AADAT: variants seen among roughly 807,000 people sequenced by gnomAD.
AADAT encodes kynurenine/alpha-aminoadipate aminotransferase, mitochondrial.
Under a neutral mutation model 56.2 loss-of-function variants are expected in AADAT, and 25 were observed. The observed-to-expected ratio is 0.44, with a 90% CI of 0.32 to 0.62. The LOEUF is 0.62. Ranked by LOEUF, AADAT falls within the 20% of genes least tolerant of loss-of-function variation. The probability of loss-of-function intolerance (pLI) is 0.04; values close to 1 mark genes in which losing one functional copy is unlikely to be tolerated. For missense variants in AADAT, 387 were observed against 510.5 expected, an observed-to-expected ratio of 0.76 and a Z score of 2.33; for synonymous variants, 173 against 164.7, an observed-to-expected ratio of 1.05 and a Z score of -0.39.
intron 1 of AADAT, chr4:170,089,268 T>C: frequency 2.0e-6 from 1 of 493,234 alleles, no homozygotes; most frequent in South Asian, 1.6e-5. Flanking sequence ...TACCTGGCCC[T>C]CTCCACTGTA....
chr4:170,079,258 A>G (rs960247401), intron 3 of AADAT, among the ~76,000 whole-genome samples: 1 of 152,256 alleles, frequency 6.6e-6, no homozygotes, highest in Admixed American at 6.5e-5. Context: ...AACAACAGTT[A>G]GATTTGAAAA....
At chr4:170,078,839 A>G (rs555466936) in intron 3 of AADAT, among the ~76,000 whole-genome samples, 17 of 152,282 alleles carry the variant, frequency 1.1e-4, no homozygotes, top group Admixed American at 2.0e-4. Flanking sequence ...AGTTCCAATA[A>G]AACTTTATTT....
chr4:170,090,678 T>TC (rs1441004607), upstream of AADAT: 1 of 152,218 alleles, frequency 6.6e-6, no homozygotes, highest in South Asian at 2.1e-4. Context: ...CCTTTTTTTT[T>TC]CTTACAAAAT....
intron 3 of AADAT, among the ~76,000 whole-genome samples, chr4:170,085,788 A>G (rs1732531211): frequency 6.6e-6 from 1 of 152,168 alleles, no homozygotes; most frequent in South Asian, 2.1e-4. Context: ...TTTAATTTTT[A>G]AAAACTTTAA....
At chr4:170,064,401 C>G (rs1581567026) in intron 11 of AADAT, among the ~76,000 whole-genome samples, 1 of 152,330 alleles carries the variant, frequency 6.6e-6, no homozygotes, top group East Asian at 1.9e-4. Context: ...GTAACCTATT[C>G]AAGGCCACAC....
chr4:170,063,482 T>C (rs1731296470), intron 11 of AADAT, among the ~76,000 whole-genome samples: 1 of 152,228 alleles, frequency 6.6e-6, no homozygotes, highest in African/African-American at 2.4e-5. Flanking sequence ...ATGTATCAAA[T>C]TGATTTATTA....
At chr4:170,093,879 T>C (rs1170891950), upstream of AADAT, among the ~76,000 whole-genome samples, 3 of 152,260 alleles carry the variant, frequency 2.0e-5, no homozygotes, top group African/African-American at 4.8e-5. Flanking sequence ...ATTACAGGCA[T>C]GAGCCAGCGC....
At position 170,089,314 on chromosome 4, in the gene AADAT, T is replaced by A. The variant is rs1377321769; in HGVS notation, c.67+310A>T. 4 of 564,160 alleles carry A rather than the reference T, an allele frequency of 7.1e-6. No homozygotes were observed. The African/African-American group carries it at 7.5e-5, about 11-fold the overall frequency. The allele number at this position is 564,160 out of a possible 1,614,324, so 34.9% of individuals were successfully genotyped here. A position where few individuals can be genotyped will look rare whatever the true frequency, so the allele number is the denominator to read the frequency against. ...CACGCTGTGCATGCCCCTTCTCAGC[T>A]TCCCAGGAAGAGCCTTTCTTGATAG... is the stretch of plus-strand genomic sequence containing the variant. On this transcript the variant is annotated intron_variant, in intron 1 of 12. Coordinates refer to ENST00000337664, the MANE Select transcript of AADAT (RefSeq NM_016228.4).
At chr4:170,092,281 C>T (rs1017247320), upstream of AADAT, among the ~76,000 whole-genome samples, 3 of 152,252 alleles carry the variant, frequency 2.0e-5, no homozygotes, top group African/African-American at 7.2e-5. Flanking sequence ...TTGTAACACT[C>T]ACCGCGAAGG....
chr4:170,073,486 G>C, intron 4 of AADAT, 141 bp from the exon 5 acceptor site: 1 of 688,736 alleles, frequency 1.5e-6, no homozygotes, highest in Non-Finnish European at 2.3e-6. Context: ...CTGAGCTCCT[G>C]AGGGTTGAGG....
At position 170,061,178 on chromosome 4, in the gene AADAT, TTTG is replaced by T. The variant is rs773734953; in HGVS notation, c.1237-212_1237-210del. 2.6e-4 allele frequency among the ~76,000 whole-genome samples: 39 copies of T among 152,182 alleles called. No individual in the cohort carries two copies. The South Asian group carries it at 2.7e-3, about 11-fold the overall frequency. On this transcript the variant is annotated intron_variant, in intron 12 of 12. Transcript: ENST00000337664. ...CTGAAGTACATCAGATTTTCAGGAT[TTTG>T]TTGTTGTTGTTGTTCTCGTGGCCTT...
At chr4:170,080,320 C>T (rs1273140023) in intron 3 of AADAT, among the ~76,000 whole-genome samples, 2 of 152,132 alleles carry the variant, frequency 1.3e-5, no homozygotes, top group African/African-American at 4.8e-5. Flanking sequence ...CTGCCTGGCA[C>T]CAAGCACGTG....
chr4:170,071,486 A>G (rs1228869975), intron 5 of AADAT, among the ~76,000 whole-genome samples: 1 of 152,252 alleles, frequency 6.6e-6, no homozygotes, highest in South Asian at 2.1e-4. Flanking sequence ...AAGAAGAATG[A>G]TAAGAGAGAA....
chr4:170,066,464 T>C lies in AADAT; in HGVS notation c.977A>G (p.Tyr326Cys), dbSNP rs369026657. 13 of 1,613,474 alleles carry C rather than the reference T, an allele frequency of 8.1e-6. No homozygotes were observed. The highest frequency in any genetic ancestry group is 5.0e-5 in the Admixed American group (3 of 59,996). The change falls in exon 10 of 13, where the codon TAT (tyrosine) becomes TGT (cysteine). Residue 326 changes from tyrosine to cysteine, a missense_variant. Physicochemically the swap from Tyr to Cys is radical, Grantham distance 194. Coordinates refer to ENST00000337664, the MANE Select transcript of AADAT (RefSeq NM_016228.4). ...CAGTATTGCATCCTTCTGGTTACTATAGAAATCAATAACCCTAGAAAAAGA... is the reference window on the plus strand; with the variant it reads ...CAGTATTGCATCCTTCTGGTTACTACAGAAATCAATAACCCTAGAAAAAGA... ...MAHVDRVIDF[Y>C]SNQKDAILAA...
intron 12 of AADAT, among the ~76,000 whole-genome samples, 174 bp from the exon 13 acceptor site, chr4:170,061,143 A>C (rs1373788543): frequency 1.3e-5 from 2 of 152,218 alleles, no homozygotes; most frequent in African/African-American, 2.4e-5. Flanking sequence ...TTTCTATTAA[A>C]ATATGAAGAC....
At position 170,077,898 on chromosome 4, in the gene AADAT, A is replaced by T. The variant is rs1384015764; in HGVS notation, c.444+611T>A. Among the ~76,000 whole-genome samples the T allele has an allele frequency of 2.0e-5, 3 of 152,188 alleles. No homozygotes were observed. In the South Asian group the frequency reaches 6.2e-4, roughly 32 times the overall value. ...AGTTCCTACAACCATTCATCATATG[A>T]TATGGCTTCCAATTCCCTATTTACT... On this transcript the variant is annotated intron_variant, in intron 4 of 12. Transcript: ENST00000337664.
chr4:170,090,792 G>A (rs1031229986), upstream of AADAT, among the ~76,000 whole-genome samples: 21 of 152,260 alleles, frequency 1.4e-4, no homozygotes, highest in Non-Finnish European at 2.9e-4. Flanking sequence ...AATGAGGGAA[G>A]GGTTTCAGAC....
At chr4:170,084,693 G>C (rs931491663) in intron 3 of AADAT, among the ~76,000 whole-genome samples, 4 of 152,090 alleles carry the variant, frequency 2.6e-5, no homozygotes, top group African/African-American at 9.7e-5. Flanking sequence ...TTTGACTTTT[G>C]TTCCCCAACT....
rs1359999381 is a variant in AADAT at position 170,089,721 on chromosome 4, C to T, written c.-31G>A. 1.2e-6 allele frequency: 2 copies of T among 1,612,724 alleles called. No individual in the cohort carries two copies. The highest frequency in any genetic ancestry group is 1.7e-6 in the Non-Finnish European group (2 of 1,178,972). ...CTGACAGCCAAGCATCAAGCTTCTT[C>T]TTCAGTGGTTGAGGACTAGAAAAAC... On this transcript the variant is annotated 5_prime_UTR_variant, in exon 1 of 13. Transcript: ENST00000337664.
Sources: allele counts gnomAD v4.1 joint callset (sites outside exome capture counted in the v4.1 genomes callset), GRCh38; gene constraint gnomAD v4.1.1; transcripts MANE v1.5; gene names NCBI Gene and HGNC (gene_info 2026-07-23, HGNC 2026-07-21).